The following SLC25A31 variants were observed in gnomAD, a reference collection of about 807,000 sequenced individuals.
SLC25A31 encodes solute carrier family 25 member 31, also known as ADP/ATP translocase 4.
SLC25A31 carries 40 observed loss-of-function variants against 36.2 expected under a neutral mutation model. The ratio of observed to expected loss-of-function variants is 1.10; its 90% CI spans 0.86 to 1.44. The LOEUF (loss-of-function observed/expected upper bound fraction) is 1.44, where lower values mean the gene tolerates loss of function less well. SLC25A31 is among the 40% of genes most tolerant of loss of function. The pLI, the probability that SLC25A31 is intolerant of heterozygous loss-of-function variation, is 0.00. For synonymous variants in SLC25A31, 143 were observed against 149.7 expected (o/e 0.96, Z 0.32); for missense variants, 350 against 397.1 (o/e 0.88, Z 1.01).
chr4:127,748,677 C>T (rs546428785), intron 2 of SLC25A31, among the ~76,000 whole-genome samples: 6 of 152,306 alleles, frequency 3.9e-5, no homozygotes, highest in African/African-American at 1.4e-4. Flanking sequence ...CTCCATTCTC[C>T]ACTGTGGACC....
chr4:127,766,949 T>C, intron 3 of SLC25A31, 117 bp from the exon 4 acceptor site: 1 of 859,172 alleles, frequency 1.2e-6, no homozygotes, highest in Non-Finnish European at 1.6e-6. Context: ...TTGTGCCTTC[T>C]TTGTTAGATT....
chr4:127,731,183 T>G (rs1456406514), intron 1 of SLC25A31, among the ~76,000 whole-genome samples: 1 of 152,194 alleles, frequency 6.6e-6, no homozygotes, highest in African/African-American at 2.4e-5. Flanking sequence ...TGCTCCAGCA[T>G]GGGCGACAGA....
At chr4:127,739,415 G>C (rs955537243) in intron 1 of SLC25A31, among the ~76,000 whole-genome samples, 5 of 152,094 alleles carry the variant, frequency 3.3e-5, no homozygotes, top group African/African-American at 1.2e-4. Context: ...GCTGAAAATA[G>C]GCCCCCAATC....
intron 5 of SLC25A31, among the ~76,000 whole-genome samples, chr4:127,770,235 G>A (rs181238702): frequency 4.6e-5 from 7 of 152,276 alleles, no homozygotes; most frequent in East Asian, 3.9e-4. Flanking sequence ...TAATTTGCAC[G>A]TAGACTATGG....
At chr4:127,761,927 CTG>C (rs1366103435) in intron 2 of SLC25A31, among the ~76,000 whole-genome samples, 1 of 152,226 alleles carries the variant, frequency 6.6e-6, no homozygotes, top group Non-Finnish European at 1.5e-5. Flanking sequence ...ATCTACTACA[CTG>C]TGGATTAACT....
chr4:127,772,933 C>T (rs1004900694), intron 5 of SLC25A31, among the ~76,000 whole-genome samples: 2 of 151,988 alleles, frequency 1.3e-5, no homozygotes, highest in Non-Finnish European at 1.5e-5. Flanking sequence ...AGGCATGTGC[C>T]AGCACACCCA....
rs1732156472 is a variant in SLC25A31 at position 127,762,329 on chromosome 4, G to C, written c.361-1914G>C. 2.6e-5 allele frequency among the ~76,000 whole-genome samples: 4 copies of C among 152,186 alleles called. No individual in the cohort carries two copies. In the South Asian group the frequency reaches 8.3e-4, roughly 32 times the overall value. The stretch of plus-strand genomic sequence containing the variant: ...TAAATGAAGGAAACCAGTCAAAAAA[G>C]AGTGTGTCTTATGTGATTCCATTTA... On this transcript the variant is annotated intron_variant, in intron 2 of 5. Transcript: ENST00000281154.
At chr4:127,741,709 C>T (rs1461659483) in intron 1 of SLC25A31, among the ~76,000 whole-genome samples, 4 of 151,928 alleles carry the variant, frequency 2.6e-5, no homozygotes, top group Non-Finnish European at 5.9e-5. Flanking sequence ...GCTTTGGTAC[C>T]GGGGTAATGT....
In SLC25A31 at chr4:127,773,996, GTCA is replaced by G. The variant is rs1732419934; in HGVS notation, c.*427_*429del. The G allele has an allele frequency of 6.5e-6, 1 of 153,950 alleles. No homozygotes were observed. Among genetic ancestry groups the G allele is most frequent in the Non-Finnish European group, 1.4e-5 (1 of 69,364 alleles). The allele number at this position is 153,950 out of a possible 1,614,324, so 9.5% of individuals were successfully genotyped here. A position where few individuals can be genotyped will look rare whatever the true frequency, so the allele number is the denominator to read the frequency against. ...ATTTCTTAAAAGCTTATCAATAGATGTCATCATATGTGTAGGCAGAAATAAGCT... is the reference window on the plus strand; with the variant it reads ...ATTTCTTAAAAGCTTATCAATAGATGTCATATGTGTAGGCAGAAATAAGCT... On this transcript the variant is annotated 3_prime_UTR_variant, in exon 6 of 6. Transcript: ENST00000281154.
intron 1 of SLC25A31, among the ~76,000 whole-genome samples, chr4:127,733,714 C>T (rs1472845803): frequency 1.3e-5 from 2 of 152,180 alleles, no homozygotes; most frequent in African/African-American, 2.4e-5. Flanking sequence ...GACACATGCA[C>T]ATCTCAGGTG....
chr4:127,731,511 C>T (rs1731525626), intron 1 of SLC25A31, among the ~76,000 whole-genome samples: 1 of 152,122 alleles, frequency 6.6e-6, no homozygotes, highest in South Asian at 2.1e-4. Context: ...GAGTTCTAGA[C>T]AAGCCTGACT....
At chr4:127,768,649 A>C in intron 4 of SLC25A31, 103 bp from the exon 5 acceptor site, 1 of 940,182 alleles carries the variant, frequency 1.1e-6, no homozygotes, top group Non-Finnish European at 1.5e-6. Context: ...TTTTAAGTAT[A>C]ATTGGGCCCT....
intron 2 of SLC25A31, among the ~76,000 whole-genome samples, chr4:127,758,048 G>C (rs983272016): frequency 6.6e-6 from 1 of 152,112 alleles, no homozygotes; most frequent in Non-Finnish European, 1.5e-5. Flanking sequence ...GGAAGCAAAA[G>C]TGGAAACCCC....
intron 2 of SLC25A31, among the ~76,000 whole-genome samples, chr4:127,755,415 CTG>C (rs1196910164): frequency 6.6e-6 from 1 of 152,078 alleles, no homozygotes; most frequent in African/African-American, 2.4e-5. Context: ...AATATAAAAA[CTG>C]TATAGAGAAT....
intron 4 of SLC25A31, among the ~76,000 whole-genome samples, chr4:127,767,814 CTTTTTAAAGTACTTTACA>C (rs1732274063): frequency 1.3e-5 from 2 of 151,926 alleles, no homozygotes; most frequent in Non-Finnish European, 2.9e-5. Flanking sequence ...TTCTAGGAAA[CTTTTTAAAGTACTTTACA>C]TCTTGAATCT....
chr4:127,771,396 A>G (rs11098936), intron 5 of SLC25A31, among the ~76,000 whole-genome samples: 102,259 of 152,042 alleles, frequency 0.67, 35,075 homozygotes, highest in Middle Eastern at 0.8. Flanking sequence ...ATTTCAATAT[A>G]TGATTTTAAC....
intron 1 of SLC25A31, among the ~76,000 whole-genome samples, chr4:127,742,599 G>T (rs960374119): frequency 6.6e-6 from 1 of 152,158 alleles, no homozygotes; most frequent in South Asian, 2.1e-4. Context: ...TCTGTGATTG[G>T]TTTTCTGTGC....
chr4:127,744,683 T>G lies in SLC25A31; in HGVS notation c.244T>G (p.Phe82Val). The stretch of plus-strand genomic sequence containing the variant: ...GTTTCCCTCTGTAGGTTTCTTCAGT[T>G]TTTGGCGTGGCAATTTGGCAAATGT... ...RIPREQGFFS[F>V]WRGNLANVIR... Residue 82 changes from phenylalanine (F) to valine (V), a missense_variant, in exon 2 of 6, where the codon TTT becomes GTT. By Grantham distance (50) the Phe-to-Val change is conservative. Transcript: ENST00000281154. The G allele has an allele frequency of 6.3e-7, 1 of 1,597,304 alleles. No homozygotes were observed. Among genetic ancestry groups the G allele is most frequent in the Non-Finnish European group, 8.5e-7 (1 of 1,172,706 alleles).
intron 1 of SLC25A31, among the ~76,000 whole-genome samples, chr4:127,731,190 C>G (rs1731518889): frequency 6.6e-6 from 1 of 152,150 alleles, no homozygotes; most frequent in Admixed American, 6.5e-5. Context: ...GCATGGGCGA[C>G]AGAGGAGACC....
Sources: gnomAD v4.1 joint callset for allele counts (sites outside exome capture counted in the v4.1 genomes callset) on GRCh38, gnomAD v4.1.1 for gene constraint, MANE v1.5 for transcripts, NCBI Gene and HGNC (gene_info 2026-07-23, HGNC 2026-07-21) for gene names.